The following IRS1 variants were observed in gnomAD, a reference collection of about 807,000 sequenced individuals.
IRS1 encodes the protein insulin receptor substrate 1.
A neutral mutation model predicts 65.6 loss-of-function variants in IRS1; 34 were observed. That is an observed-to-expected ratio of 0.52 (90% CI 0.39 to 0.69). The LOEUF is 0.69. IRS1 is among the 30% of genes least tolerant of loss of function. IRS1 has a pLI of 0.00. For synonymous variants in IRS1, 699 were observed against 683.5 expected (o/e 1.02, Z -0.35); for missense variants, 1,641 against 1,720.2 (o/e 0.95, Z 0.81).
intron 1 of IRS1, among the ~76,000 whole-genome samples, chr2:226,738,011 T>G (rs1938363849): frequency 6.6e-6 from 1 of 152,092 alleles, no homozygotes. Flanking sequence ...CCCCAAGATA[T>G]CTAAGGAGGG....
intron 1 of IRS1, among the ~76,000 whole-genome samples, chr2:226,783,201 AG>A (rs1481860189): frequency 6.6e-6 from 1 of 152,208 alleles, no homozygotes; most frequent in African/African-American, 2.4e-5. Flanking sequence ...GGTATTCTTA[AG>A]GAGATCTAAC....
chr2:226,764,291 C>T (rs1257880072), intron 1 of IRS1, among the ~76,000 whole-genome samples: 1 of 151,904 alleles, frequency 6.6e-6, no homozygotes, highest in Non-Finnish European at 1.5e-5. Flanking sequence ...TATCTGTAAT[C>T]CCAGTAGTTT....
Position 226,760,671 on chromosome 2 carries a change from C to T in IRS1, c.*22-24421G>A, listed in dbSNP as rs528222320. On this transcript the variant is annotated intron_variant, in intron 1 of 1. Coordinates refer to ENST00000305123, the MANE Select transcript of IRS1 (RefSeq NM_005544.3). The stretch of plus-strand genomic sequence containing the variant: ...TGCACAGCTGGTATAAATCTGGGCA[C>T]GTATGAAGGCAACCACTTGCATGCA... Among the ~76,000 whole-genome samples the T allele has an allele frequency of 1.1e-4, 17 of 152,216 alleles. No individual in the cohort carries two copies. In the South Asian group the frequency reaches 1.9e-3, roughly 17 times the overall value.
intron 1 of IRS1, among the ~76,000 whole-genome samples, chr2:226,766,128 TA>T (rs1939027806): frequency 5.6e-4 from 2 of 3,548 alleles, no homozygotes; most frequent in East Asian, 5.1e-3. Flanking sequence ...ATCTTATATA[TA>T]TATATATATA....
chr2:226,755,541 T>A (rs1219366871), intron 1 of IRS1, among the ~76,000 whole-genome samples: 2 of 152,212 alleles, frequency 1.3e-5, no homozygotes, highest in Non-Finnish European at 2.9e-5. Context: ...ATATGTTCCT[T>A]ATTATAGAGC....
chr2:226,797,742 C>T lies in IRS1; in HGVS notation c.997G>A (p.Glu333Lys). ...GAGGCTGGGCGGGACATGGTGCCTTCGCCGTCACTGGAGGCGCGGACACGG... is the reference window on the plus strand; with the variant it reads ...GAGGCTGGGCGGGACATGGTGCCTTTGCCGTCACTGGAGGCGCGGACACGG... ...SFRVRASSDG[E>K]GTMSRPASVD... is the part of the protein sequence containing the mutation. Residue 333 changes from glutamate to lysine, a missense_variant, in exon 1 of 2, where the codon GAA (glutamate) becomes AAA (lysine). Transcript: ENST00000305123. The surrounding 1 kb of genome is among the most constrained non-coding windows in gnomAD (Gnocchi z 8.1). The T allele has an allele frequency of 6.3e-7, 1 of 1,596,366 alleles. No individual in the cohort carries two copies. The highest frequency in any genetic ancestry group is 8.5e-7 in the Non-Finnish European group (1 of 1,177,180).
Position 226,799,759 on chromosome 2 carries a change from G to T in IRS1, c.-1021C>A, listed in dbSNP as rs1185477342. ...GCCGGCCCCCTCCGACCGCGCCGCC[G>T]TCTCACTCGGAGGAGAAAAACACGT... On this transcript the variant is annotated 5_prime_UTR_variant, in exon 1 of 2. Transcript: ENST00000305123. The surrounding 1 kb of genome is among the most constrained non-coding windows in gnomAD (Gnocchi z 6.1). 3.0e-6 allele frequency: 3 copies of T among 998,062 alleles called. No homozygotes were observed. The highest frequency in any genetic ancestry group is 2.4e-6 in the Non-Finnish European group (2 of 830,032). The allele number at this position is 998,062 out of a possible 1,614,324, so 61.8% of individuals were successfully genotyped here. A position where few individuals can be genotyped will look rare whatever the true frequency, so the allele number is the denominator to read the frequency against.
At chr2:226,764,780 G>A (rs1938996340) in intron 1 of IRS1, among the ~76,000 whole-genome samples, 1 of 152,214 alleles carries the variant, frequency 6.6e-6, no homozygotes, top group African/African-American at 2.4e-5. Flanking sequence ...CGTCGTCAAG[G>A]TTTGATTGCT....
chr2:226,796,400 G>T lies in IRS1; in HGVS notation c.2339C>A (p.Pro780Gln), dbSNP rs141300291. 6.2e-7 allele frequency: 1 copy of T among 1,613,236 alleles called. No homozygotes were observed. The highest frequency in any genetic ancestry group is 2.2e-5 in the East Asian group (1 of 44,902). Residue 780 changes from proline to glutamine, a missense_variant, in exon 1 of 2, where the codon CCG becomes CAG. Physicochemically the swap from Pro to Gln is moderately conservative, Grantham distance 76. Around this residue, in one of 3 missense-constraint regions of IRS1, gnomAD observed 1,324 missense variants for 1,361.0 expected, o/e 0.97. Coordinates refer to ENST00000305123, the MANE Select transcript of IRS1 (RefSeq NM_005544.3). ...SFKHTQRPGE[P>Q]EEGARHQHLR... ...GTGCTGATGCCGGGCACCCTCCTCC[G>T]GCTCCCCGGGGCGCTGGGTGTGCTT...
intron 1 of IRS1, among the ~76,000 whole-genome samples, chr2:226,745,911 A>G (rs1938531963): frequency 6.6e-6 from 1 of 152,244 alleles, no homozygotes. Flanking sequence ...AGAAAGGAGG[A>G]AGGGGAAAAT....
rs779252822 is a variant in IRS1 at position 226,795,427 on chromosome 2, G to C, written c.3312C>G (p.Phe1104Leu). The change falls in exon 1 of 2, where the codon TTC becomes TTG. Residue 1104 changes from phenylalanine (F) to leucine (L), a missense_variant. Phe to Leu is a conservative substitution (Grantham distance 22, BLOSUM62 0). Coordinates refer to ENST00000305123, the MANE Select transcript of IRS1 (RefSeq NM_005544.3). ...GCRRRHSSET[F>L]SSTPSATRVG... The stretch of plus-strand genomic sequence containing the variant: ...CCCGGGTGGCACTGGGTGTTGAGGA[G>C]AAAGTCTCGGAGCTATGCCTCCGCC... 2.5e-6 allele frequency: 4 copies of C among 1,613,430 alleles called. No individual in the cohort carries two copies. The highest frequency in any genetic ancestry group is 3.4e-6 in the Non-Finnish European group (4 of 1,180,036).
intron 1 of IRS1, among the ~76,000 whole-genome samples, chr2:226,770,649 T>C (rs1374950983): frequency 1.3e-5 from 2 of 152,346 alleles, no homozygotes; most frequent in Non-Finnish European, 2.9e-5. Flanking sequence ...ATGTTGTATA[T>C]AAAGATACAA....
At chr2:226,744,491 C>G (rs1938499155) in intron 1 of IRS1, among the ~76,000 whole-genome samples, 1 of 152,160 alleles carries the variant, frequency 6.6e-6, no homozygotes, top group Admixed American at 6.5e-5. Context: ...GGCAGGGGTC[C>G]TCAATTCCCA....
intron 1 of IRS1, among the ~76,000 whole-genome samples, chr2:226,750,695 A>G (rs187110725): frequency 6.0e-4 from 92 of 152,358 alleles, no homozygotes; most frequent in African/African-American, 2.1e-3. Context: ...CTAGTCATCA[A>G]TATAGGACCT....
chr2:226,749,203 A>G (rs1938620166), intron 1 of IRS1, among the ~76,000 whole-genome samples: 1 of 152,142 alleles, frequency 6.6e-6, no homozygotes, highest in Non-Finnish European at 1.5e-5. Context: ...ATTACATGTC[A>G]CAAGCGGGCC....
chr2:226,758,839 T>C (rs2106165888), intron 1 of IRS1, among the ~76,000 whole-genome samples: 1 of 152,172 alleles, frequency 6.6e-6, no homozygotes, highest in East Asian at 1.9e-4. Flanking sequence ...ACACCCAACC[T>C]ACCCTTCCTA....
intron 1 of IRS1, among the ~76,000 whole-genome samples, chr2:226,739,608 G>A (rs1216770157): frequency 2.0e-5 from 3 of 152,286 alleles, no homozygotes; most frequent in South Asian, 2.1e-4. Context: ...AAAGAGTTCC[G>A]AAACCGAAGT....
At chr2:226,764,378 C>CA (rs1938985839) in intron 1 of IRS1, among the ~76,000 whole-genome samples, 4 of 151,590 alleles carry the variant, frequency 2.6e-5, no homozygotes, top group Admixed American at 2.6e-4. Flanking sequence ...ACCCCTTCTC[C>CA]AAAAAAATAT....
At chr2:226,766,159 A>AT (rs1433312154) in intron 1 of IRS1, among the ~76,000 whole-genome samples, 1 of 5,762 alleles carries the variant, frequency 1.7e-4, no homozygotes, top group African/African-American at 4.5e-4. Flanking sequence ...ATATATATAT[A>AT]TATATTTTTT....
Sources: allele counts gnomAD v4.1 joint callset (sites outside exome capture counted in the v4.1 genomes callset), GRCh38; gene constraint gnomAD v4.1.1; regional missense constraint gnomAD v4.1.1; non-coding constraint Gnocchi (gnomAD v3.1); transcripts MANE v1.5; gene names NCBI Gene and HGNC (gene_info 2026-07-23, HGNC 2026-07-21).